The following ZNF888 variants were observed in gnomAD, a reference collection of about 807,000 sequenced individuals.
The protein encoded by ZNF888 is zinc finger protein 888, also known as CTD-2331H12.6.
In ZNF888, 5 loss-of-function variants were observed where a neutral mutation model predicts 7.2. The ratio of observed to expected loss-of-function variants is 0.70; its 90% CI spans 0.36 to 1.46. The LOEUF (loss-of-function observed/expected upper bound fraction) is 1.46. Among genes scored for constraint, ZNF888 ranks in the 40% most tolerant of loss-of-function variants. The pLI is 0.03. For missense variants in ZNF888, 716 were observed against 858.0 expected (o/e 0.83, Z 2.07); for synonymous variants, 240 against 284.3 (o/e 0.84, Z 1.57).
At chr19:52,914,330 T>G (rs1437449110) in intron 4 of ZNF888, 1 of 984,866 alleles carries the variant, frequency 1.0e-6, no homozygotes, top group Non-Finnish European at 1.2e-6. Context: ...ATCTGGACTT[T>G]TTTGCTATTT....
intron 4 of ZNF888, 46 bp from the exon 5 acceptor site, chr19:52,908,225 TATATA>T (rs771561999): frequency 6.5e-7 from 1 of 1,542,860 alleles, no homozygotes; most frequent in South Asian, 1.1e-5. Context: ...GTACAGATAA[TATATA>T]ATACTGAAAC....
chr19:52,907,821 G>A lies in ZNF888; in HGVS notation c.501C>T (p.Ile167=). Reference sequence around the variant, plus strand: ...ATGTTGAAACTGAGGAAGCATTGTTGATAGACTTCTCAAGTTGATTACCAA... The same window carrying A: ...ATGTTGAAACTGAGGAAGCATTGTTAATAGACTTCTCAAGTTGATTACCAA... ...GKIGNQLEKS[I]NNASSVSTSQ... is the part of the protein sequence containing the mutation. The change falls in exon 5 of 5, where the codon ATC becomes ATT. Residue 167 remains isoleucine (I), a synonymous_variant. Coordinates refer to ENST00000638862, the MANE Select transcript of ZNF888 (RefSeq NM_001393938.1). The A allele has an allele frequency of 6.2e-7, 1 of 1,614,180 alleles. No homozygotes were observed. Among genetic ancestry groups the A allele is most frequent in the South Asian group, 1.1e-5 (1 of 91,086 alleles).
intron 4 of ZNF888, among the ~76,000 whole-genome samples, chr19:52,912,392 C>T (rs1285772383): frequency 1.3e-5 from 2 of 150,416 alleles, no homozygotes; most frequent in South Asian, 2.1e-4. Context: ...GGATTACAGG[C>T]ATGAGCCACC....
intron 4 of ZNF888, among the ~76,000 whole-genome samples, chr19:52,911,922 T>C (rs1254439677): frequency 6.6e-6 from 1 of 151,924 alleles, no homozygotes; most frequent in Non-Finnish European, 1.5e-5. Flanking sequence ...GTTCAGGCCA[T>C]TCTCCTGCCT....
rs140720104 is a variant in ZNF888 at position 52,906,942 on chromosome 19, A to G, written c.1380T>C (p.His460=). ...TACATTTGTAAGGTTTCTCTCCAGT[A>G]TGAAGTCTATGATGACGTGCAAGGT... ...QSNLARHHRL[H]TGEKPYKCKE... Residue 460 remains histidine (H), a synonymous_variant, in exon 5 of 5, where the codon CAT becomes CAC. Transcript: ENST00000638862. 213 of 1,613,088 alleles carry G rather than the reference A, an allele frequency of 1.3e-4. No homozygotes were observed. The African/African-American group carries it at 2.5e-3, about 19-fold the overall frequency.
At chr19:52,916,469 AAT>A (rs895525174) in intron 3 of ZNF888, among the ~76,000 whole-genome samples, 6 of 151,850 alleles carry the variant, frequency 4.0e-5, no homozygotes, top group East Asian at 1.9e-4. Context: ...AGATTTTCAA[AAT>A]ATATATGTGT....
chr19:52,905,332 A>AC lies in ZNF888; in HGVS notation c.*832dup, dbSNP rs1305306196. 6.7e-6 allele frequency: 1 copy of AC among 150,202 alleles called. No individual in the cohort carries two copies. Among genetic ancestry groups the AC allele is most frequent in the African/African-American group, 2.5e-5 (1 of 40,386 alleles). 9.3% of individuals were successfully genotyped at this position (150,202 alleles called of 1,614,324 possible). A position where few individuals can be genotyped will look rare whatever the true frequency, so the allele number is the denominator to read the frequency against. ...CCCCACCTCTGCCAGCCAGAGAACA[A>AC]CCCCCTTTGATTGTAACTTTCCACT... On this transcript the variant is annotated 3_prime_UTR_variant, in exon 5 of 5. Transcript: ENST00000638862.
chr19:52,918,880 G>T lies in ZNF888; in HGVS notation c.-120C>A. 6.6e-6 allele frequency: 1 copy of T among 151,914 alleles called. No homozygotes were observed. Among genetic ancestry groups the T allele is most frequent in the Non-Finnish European group, 1.5e-5 (1 of 68,094 alleles). 9.4% of individuals were successfully genotyped at this position (151,914 alleles called of 1,614,324 possible). A position where few individuals can be genotyped will look rare whatever the true frequency, so the allele number is the denominator to read the frequency against. ...AATCACTTGAACCCAGGAGACAGAG[G>T]TTGCAGTGAGCCAAGATCATGACAG... On this transcript the variant is annotated 5_prime_UTR_variant, in exon 2 of 5. Transcript: ENST00000638862.
chr19:52,916,516 G>GTACCTATATATGTGTGTGTA (rs2064750186), intron 3 of ZNF888, among the ~76,000 whole-genome samples: 2 of 150,580 alleles, frequency 1.3e-5, no homozygotes, highest in Non-Finnish European at 2.9e-5. Context: ...ATGTGTGTGT[G>GTACCTATATATGTGTGTGTA]TACCTATATA....
chr19:52,910,338 T>C (rs1393620886), intron 4 of ZNF888, among the ~76,000 whole-genome samples: 1 of 152,012 alleles, frequency 6.6e-6, no homozygotes, highest in Non-Finnish European at 1.5e-5. Context: ...CTATGCATGG[T>C]GGCGGGTGCC....
At chr19:52,915,641 A>AT (rs558097504) in intron 3 of ZNF888, among the ~76,000 whole-genome samples, 3,224 of 151,706 alleles carry the variant, frequency 0.021, 91 homozygotes, top group African/African-American at 0.069. Flanking sequence ...TGCCTGGCTA[A>AT]TTTTTTTGTA....
chr19:52,913,757 G>A (rs994891841), intron 4 of ZNF888: 4 of 984,016 alleles, frequency 4.1e-6, no homozygotes, highest in Non-Finnish European at 4.8e-6. Context: ...GGACACTAAC[G>A]TGGTTGTTAT....
In ZNF888 at chr19:52,923,413, G is replaced by A. The variant is rs867138933; in HGVS notation, c.-222C>T. The A allele has an allele frequency of 3.0e-6, 3 of 985,292 alleles. No individual in the cohort carries two copies. The highest frequency in any genetic ancestry group is 6.2e-5 in the Admixed American group (1 of 16,236). The allele number at this position is 985,292 out of a possible 1,614,324, so 61.0% of individuals were successfully genotyped here. A position where few individuals can be genotyped will look rare whatever the true frequency, so the allele number is the denominator to read the frequency against. Reference sequence around the variant, plus strand: ...GTCCACGCGATCCGCTTCCTGGTCCGGGCGAATCTACAAGCACAGGACAGA... The same window carrying A: ...GTCCACGCGATCCGCTTCCTGGTCCAGGCGAATCTACAAGCACAGGACAGA... On this transcript the variant is annotated 5_prime_UTR_variant, in exon 1 of 5. Transcript: ENST00000638862.
At position 52,919,738 on chromosome 19, in the gene ZNF888, C is replaced by T. The variant is rs1331260011; in HGVS notation, c.-177-801G>A. Among the ~76,000 whole-genome samples, 5 of 60,242 alleles carry T rather than the reference C, an allele frequency of 8.3e-5. 1 individual carries two copies. Among genetic ancestry groups the T allele is most frequent in the Non-Finnish European group, 1.9e-4 (5 of 25,754 alleles). The allele number at this position is 60,242 out of a possible 152,430, so 39.5% of individuals were successfully genotyped here. A position where few individuals can be genotyped will look rare whatever the true frequency, so the allele number is the denominator to read the frequency against. On this transcript the variant is annotated intron_variant, in intron 1 of 4. Transcript: ENST00000638862. ...GGAGTGTCTCTGCCCGGCCACCCAT[C>T]GTCTGAGATGTGGGGAGCACCTCTG...
Position 52,906,920 on chromosome 19 carries a change from A to G in ZNF888, c.1402T>C (p.Cys468Arg), listed in dbSNP as rs2064616231. The G allele has an allele frequency of 1.4e-5, 23 of 1,612,460 alleles. No individual in the cohort carries two copies. The highest frequency in any genetic ancestry group is 2.2e-5 in the East Asian group (1 of 44,788). The change falls in exon 5 of 5, where the codon TGT becomes CGT. Residue 468 changes from cysteine to arginine, a missense_variant. Physicochemically the swap from Cys to Arg is radical, Grantham distance 180. Transcript: ENST00000638862. Reference protein sequence around the residue: ...RLHTGEKPYKCKECDKVFSRK... With the variant: ...RLHTGEKPYKRKECDKVFSRK... ...CTGAAAACTTTGTCACATTCTTTACATTTGTAAGGTTTCTCTCCAGTATGA... is the reference window on the plus strand; with the variant it reads ...CTGAAAACTTTGTCACATTCTTTACGTTTGTAAGGTTTCTCTCCAGTATGA...
chr19:52,922,062 C>T (rs2064827526), intron 1 of ZNF888, among the ~76,000 whole-genome samples: 1 of 152,124 alleles, frequency 6.6e-6, no homozygotes, highest in African/African-American at 2.4e-5. Context: ...CACCTGTATT[C>T]CCAGCACTTT....
chr19:52,906,369 T>C lies in ZNF888; in HGVS notation c.1953A>G (p.Gln651=), dbSNP rs1200323095. ...KAFGRDSYLA[Q]HQRVHTGEKP... is the part of the protein sequence containing the mutation. ...TCTCTCCAGTGTGAACTCTCTGATG[T>C]TGTGCAAGGTATGAATCACGCCCAA... The change falls in exon 5 of 5, where the codon CAA becomes CAG. Residue 651 remains glutamine (Q), a synonymous_variant. Coordinates refer to ENST00000638862, the MANE Select transcript of ZNF888 (RefSeq NM_001393938.1). 4 of 1,613,272 alleles carry C rather than the reference T, an allele frequency of 2.5e-6. No individual in the cohort carries two copies. The East Asian group carries it at 8.9e-5, about 36-fold the overall frequency.
intron 2 of ZNF888, chr19:52,918,230 C>T: frequency 1.0e-6 from 1 of 985,270 alleles, no homozygotes; most frequent in Non-Finnish European, 1.2e-6. Context: ...TGGCTCATGC[C>T]TATCATCCCA....
At position 52,906,732 on chromosome 19, in the gene ZNF888, G is replaced by A; in HGVS notation, c.1590C>T (p.Thr530=). 1 of 1,607,828 alleles carries A rather than the reference G, an allele frequency of 6.2e-7. No homozygotes were observed. Among genetic ancestry groups the A allele is most frequent in the Non-Finnish European group, 8.5e-7 (1 of 1,175,810 alleles). The change falls in exon 5 of 5, where the codon ACC becomes ACT. Residue 530 remains threonine, a synonymous_variant. Coordinates refer to ENST00000638862, the MANE Select transcript of ZNF888 (RefSeq NM_001393938.1). ...KPYKCNECGK[T]FVQNSSLVMH... is the part of the protein sequence containing the mutation. Reference sequence around the variant, plus strand: ...TTACAAGAGATGAATTTTGAACGAAGGTCTTGCCACACTCATTACACTTGT... The same window carrying A: ...TTACAAGAGATGAATTTTGAACGAAAGTCTTGCCACACTCATTACACTTGT...
Sources: gnomAD v4.1 joint callset for allele counts (sites outside exome capture counted in the v4.1 genomes callset) on GRCh38, gnomAD v4.1.1 for gene constraint, MANE v1.5 for transcripts, NCBI Gene and HGNC (gene_info 2026-07-23, HGNC 2026-07-21) for gene names.